ESRRG: variants seen among roughly 807,000 people sequenced by gnomAD.
The protein encoded by ESRRG is estrogen-related receptor gamma.
A neutral mutation model predicts 44.0 loss-of-function variants in ESRRG; 13 were observed. That is an observed-to-expected ratio of 0.30 (90% CI 0.19 to 0.47). The LOEUF is 0.47. ESRRG is among the 20% of genes least tolerant of loss of function. The probability of loss-of-function intolerance (pLI) is 1.00; values close to 1 mark genes in which losing one functional copy is unlikely to be tolerated. For missense variants in ESRRG, 395 were observed against 580.6 expected (o/e 0.68, Z 3.29); for synonymous variants, 215 against 214.6 (o/e 1.00, Z -0.02).
intron 2 of ESRRG, among the ~76,000 whole-genome samples, chr1:216,659,691 T>C (rs1434316865): frequency 6.6e-6 from 1 of 152,164 alleles, no homozygotes; most frequent in Non-Finnish European, 1.5e-5. Context: ...CTATCATTTC[T>C]TCAGTGAGAT....
intron 5 of ESRRG, among the ~76,000 whole-genome samples, chr1:216,535,617 T>C (rs1229435110): frequency 6.6e-6 from 1 of 152,132 alleles, no homozygotes; most frequent in Non-Finnish European, 1.5e-5. Flanking sequence ...GCCTTTCCTA[T>C]GTTCTCAATC....
chr1:216,994,061 G>C (rs1390293421), intron 1 of ESRRG, among the ~76,000 whole-genome samples: 1 of 152,052 alleles, frequency 6.6e-6, no homozygotes. Context: ...AAATCTGTAA[G>C]TGCATTTCTG....
At chr1:216,769,858 G>A (rs888345693) in intron 2 of ESRRG, among the ~76,000 whole-genome samples, 2 of 152,068 alleles carry the variant, frequency 1.3e-5, no homozygotes, top group Non-Finnish European at 2.9e-5. Flanking sequence ...AAAGATATGA[G>A]GTGGTATGGA....
chr1:217,120,307 A>G (rs1484169063), intron 1 of ESRRG, among the ~76,000 whole-genome samples: 1 of 151,852 alleles, frequency 6.6e-6, no homozygotes, highest in Admixed American at 6.6e-5. Context: ...GAAATATTTT[A>G]TTTCATACCT....
rs147421502 is a variant in ESRRG, at chr1:216,983,397, A to G, written c.-105-43724T>C. Among the ~76,000 whole-genome samples the G allele has an allele frequency of 6.2e-3, 936 of 151,758 alleles. 9 individuals are homozygous for G. The highest frequency in any genetic ancestry group is 0.02 in the African/African-American group (808 of 41,350). ...TAGGCATGCGCCACCACACCTGGCT[A>G]ACTTTTGTATTTTTTGCAAAGACGG... On this transcript the variant is annotated intron_variant, in intron 1 of 7. Transcript: ENST00000359162.
At position 216,890,920 on chromosome 1, in the gene ESRRG, C is replaced by T. The variant is rs116238551; in HGVS notation, c.-14+48662G>A. Among the ~76,000 whole-genome samples, 1,117 of 152,200 alleles carry T rather than the reference C, an allele frequency of 7.3e-3. 11 individuals are homozygous for T. The highest frequency in any genetic ancestry group is 0.025 in the African/African-American group (1,058 of 41,516). Reference sequence around the variant, plus strand: ...ATGCAAAATCGTCCATTTAATTTCCCCACCCAACTCCTGAACCTTCGAGTA... The same window carrying T: ...ATGCAAAATCGTCCATTTAATTTCCTCACCCAACTCCTGAACCTTCGAGTA... On this transcript the variant is annotated intron_variant, in intron 2 of 7. Coordinates refer to the ESRRG transcript ENST00000359162.
intron 1 of ESRRG, among the ~76,000 whole-genome samples, chr1:217,012,814 T>C (rs1290253997): frequency 6.6e-6 from 1 of 152,202 alleles, no homozygotes; most frequent in East Asian, 1.9e-4. Flanking sequence ...TTTCTATTCA[T>C]AGTTTGCCCT....
At chr1:216,811,637 G>A (rs1289530503) in intron 2 of ESRRG, among the ~76,000 whole-genome samples, 1 of 152,142 alleles carries the variant, frequency 6.6e-6, no homozygotes, top group Non-Finnish European at 1.5e-5. Flanking sequence ...TATTAAGTCA[G>A]CAGAAGTGAG....
chr1:216,644,654 C>T (rs907226866), intron 3 of ESRRG, among the ~76,000 whole-genome samples: 3 of 146,734 alleles, frequency 2.0e-5, no homozygotes, highest in African/African-American at 8.1e-5. Context: ...CCAGGCTGGT[C>T]TCAAACTCCT....
At chr1:217,103,026 G>C (rs2092540192) in intron 1 of ESRRG, among the ~76,000 whole-genome samples, 1 of 152,210 alleles carries the variant, frequency 6.6e-6, no homozygotes, top group Non-Finnish European at 1.5e-5. Context: ...GTGAGCAGGA[G>C]ACTGCAAATC....
intron 2 of ESRRG, among the ~76,000 whole-genome samples, chr1:216,846,846 T>A (rs904832001): frequency 6.6e-6 from 1 of 152,032 alleles, no homozygotes; most frequent in Non-Finnish European, 1.5e-5. Flanking sequence ...TATTTGACAT[T>A]CCCCTTATGT....
At chr1:216,888,612 C>G (rs909632768) in intron 2 of ESRRG, among the ~76,000 whole-genome samples, 3 of 152,116 alleles carry the variant, frequency 2.0e-5, no homozygotes, top group Non-Finnish European at 4.4e-5. Context: ...CAGACTCTCA[C>G]CAATACCTAT....
intron 1 of ESRRG, among the ~76,000 whole-genome samples, chr1:217,042,957 C>T (rs2084146653): frequency 6.6e-6 from 1 of 152,118 alleles, no homozygotes; most frequent in Admixed American, 6.5e-5. Context: ...TGGGACAGGA[C>T]ATTAATGACA....
At position 216,833,290 on chromosome 1, in the gene ESRRG, T is replaced by C. The variant is rs115339908; in HGVS notation, c.-14+106292A>G. Among the ~76,000 whole-genome samples, 2 of 152,294 alleles carry C rather than the reference T, an allele frequency of 1.3e-5. 1 individual carries two copies. The highest frequency in any genetic ancestry group is 4.8e-5 in the African/African-American group (2 of 41,576). The stretch of plus-strand genomic sequence containing the variant: ...ATTCAACCACATAGTGTTTTGAAAA[T>C]GTGTAATTTAGAAATAACGTGTAAG... On this transcript the variant is annotated intron_variant, in intron 2 of 7. Coordinates refer to the ESRRG transcript ENST00000359162.
At chr1:216,997,041 T>C (rs2150586176) in intron 1 of ESRRG, among the ~76,000 whole-genome samples, 1 of 152,256 alleles carries the variant, frequency 6.6e-6, no homozygotes, top group East Asian at 1.9e-4. Flanking sequence ...CATTATGACA[T>C]GTGCCCATTT....
intron 3 of ESRRG, among the ~76,000 whole-genome samples, chr1:216,576,718 G>T (rs2061746375): frequency 6.6e-6 from 1 of 152,014 alleles, no homozygotes; most frequent in Non-Finnish European, 1.5e-5. Context: ...AATCGGAATA[G>T]CCATAAACAA....
In ESRRG at chr1:216,543,315, T is replaced by A. The variant is rs572706751; in HGVS notation, c.862+20904A>T. 3.2e-4 allele frequency among the ~76,000 whole-genome samples: 48 copies of A among 152,172 alleles called. 1 individual carries two copies. The highest frequency in any genetic ancestry group is 1.2e-3 in the African/African-American group (48 of 41,554). Reference sequence around the variant, plus strand: ...TCATCAGGTATTTTTTGAAGTTTTCTATCATCATTAAAAAAGTTTAGGGAT... The same window carrying A: ...TCATCAGGTATTTTTTGAAGTTTTCAATCATCATTAAAAAAGTTTAGGGAT... On this transcript the variant is annotated intron_variant, in intron 5 of 6. Transcript: ENST00000408911.
chr1:216,677,945 C>T (rs1423126973), intron 1 of ESRRG, among the ~76,000 whole-genome samples: 1 of 152,222 alleles, frequency 6.6e-6, no homozygotes. Context: ...TTCTACCTTT[C>T]CTTCCTCATT....
At position 216,505,630 on chromosome 1, in the gene ESRRG, C is replaced by A. The variant is rs1324313889; in HGVS notation, c.*1309G>T. On this transcript the variant is annotated 3_prime_UTR_variant, in exon 7 of 7. Transcript: ENST00000408911. ...CCCAAGTAGAGAGGTGCACTCCTGACAATTCTACGGATCTATATCTCATGT... is the reference window on the plus strand; with the variant it reads ...CCCAAGTAGAGAGGTGCACTCCTGAAAATTCTACGGATCTATATCTCATGT... 6.6e-6 allele frequency: 1 copy of A among 152,540 alleles called. No individual in the cohort carries two copies. Among genetic ancestry groups the A allele is most frequent in the Non-Finnish European group, 1.5e-5 (1 of 68,020 alleles). 9.4% of individuals were successfully genotyped at this position (152,540 alleles called of 1,614,324 possible).
Sources: gnomAD v4.1 joint callset for allele counts (sites outside exome capture counted in the v4.1 genomes callset) on GRCh38, gnomAD v4.1.1 for gene constraint, MANE v1.5 for transcripts, NCBI Gene and HGNC (gene_info 2026-07-23, HGNC 2026-07-21) for gene names.